Variants in APBB2 observed in about 807,000 individuals in gnomAD.
APBB2 encodes amyloid beta precursor protein binding family B member 2.
APBB2 carries 38 observed loss-of-function variants against 82.5 expected under a neutral mutation model. The observed-to-expected ratio is 0.46, with a 90% CI of 0.36 to 0.60. APBB2 has a LOEUF of 0.60. Among genes scored for constraint, APBB2 ranks in the 20% least tolerant of loss-of-function variants. The pLI, the probability that APBB2 is intolerant of heterozygous loss-of-function variation, is 0.00. For missense variants in APBB2, 772 were observed against 972.3 expected (o/e 0.79, Z 2.74); for synonymous variants, 341 against 368.2 (o/e 0.93, Z 0.85).
chr4:41,147,738 C>T (rs533383849), intron 1 of APBB2, among the ~76,000 whole-genome samples: 1 of 152,136 alleles, frequency 6.6e-6, no homozygotes, highest in South Asian at 2.1e-4. Flanking sequence ...ATCCACATGA[C>T]TCAGACTTTT....
intron 1 of APBB2, among the ~76,000 whole-genome samples, chr4:41,185,423 A>T (rs1185286537): frequency 2.6e-5 from 4 of 152,120 alleles, no homozygotes; most frequent in African/African-American, 9.7e-5. Context: ...TACCATAAAG[A>T]GGGTTTCAGG....
At chr4:40,979,055 G>T (rs555756189) in intron 6 of APBB2, among the ~76,000 whole-genome samples, 1 of 152,190 alleles carries the variant, frequency 6.6e-6, no homozygotes, top group Admixed American at 6.5e-5. Context: ...CCACTGAGAT[G>T]GTTTCTCATC....
intron 6 of APBB2, among the ~76,000 whole-genome samples, chr4:40,949,247 CA>C (rs1789378192): frequency 1.0e-5 from 1 of 96,820 alleles, no homozygotes; most frequent in South Asian, 2.8e-4. Context: ...CCAGTCTGGG[CA>C]ACAGAGTGAG....
At chr4:41,002,217 A>G (rs535644311) in intron 6 of APBB2, among the ~76,000 whole-genome samples, 1 of 152,304 alleles carries the variant, frequency 6.6e-6, no homozygotes, top group South Asian at 2.1e-4. Context: ...TGAGCACAAA[A>G]TTTATGAACC....
intron 12 of APBB2, among the ~76,000 whole-genome samples, chr4:40,883,683 A>G (rs930166490): frequency 2.8e-4 from 42 of 148,970 alleles, no homozygotes; most frequent in Non-Finnish European, 4.3e-4. Context: ...AGTAGAAGAC[A>G]TGGCTAGGAA....
At chr4:41,145,972 T>C (rs1219582550) in intron 1 of APBB2, among the ~76,000 whole-genome samples, 5 of 152,176 alleles carry the variant, frequency 3.3e-5, no homozygotes, top group African/African-American at 7.2e-5. Context: ...AGTGGATTGC[T>C]TGAGCCCAGG....
At chr4:41,207,197 T>A (rs1435731591) in intron 1 of APBB2, among the ~76,000 whole-genome samples, 1 of 33,716 alleles carries the variant, frequency 3.0e-5, no homozygotes, top group Non-Finnish European at 5.1e-5. Context: ...AGACTCCGTC[T>A]CAAAAAAAAA....
intron 12 of APBB2, among the ~76,000 whole-genome samples, chr4:40,848,289 C>T (rs990048851): frequency 2.0e-5 from 3 of 152,228 alleles, no homozygotes; most frequent in Non-Finnish European, 2.9e-5. Context: ...TGCGCACTGT[C>T]GCCAAGCCAC....
intron 10 of APBB2, among the ~76,000 whole-genome samples, chr4:40,904,288 G>A (rs1371720233): frequency 3.3e-5 from 5 of 152,210 alleles, no homozygotes; most frequent in East Asian, 3.9e-4. Context: ...AAAATTAGCC[G>A]GGCGTGGTGG....
chr4:40,851,702 G>C (rs1759415269), intron 12 of APBB2, among the ~76,000 whole-genome samples: 1 of 139,944 alleles, frequency 7.1e-6, no homozygotes, highest in Non-Finnish European at 1.5e-5. Flanking sequence ...GACTGCAGAA[G>C]GAATATTTTC....
At chr4:40,893,819 C>T (rs1163818676) in intron 10 of APBB2, among the ~76,000 whole-genome samples, 1 of 151,814 alleles carries the variant, frequency 6.6e-6, no homozygotes, top group African/African-American at 2.4e-5. Flanking sequence ...ACTAAAAATA[C>T]AAAAATTAGC....
chr4:40,998,962 G>T (rs1252927450), intron 6 of APBB2, among the ~76,000 whole-genome samples: 1 of 152,154 alleles, frequency 6.6e-6, no homozygotes, highest in African/African-American at 2.4e-5. Flanking sequence ...ACCGAGAACG[G>T]TGTGCAGCTT....
chr4:41,146,433 G>T (rs1760771404), intron 1 of APBB2, among the ~76,000 whole-genome samples: 1 of 151,070 alleles, frequency 6.6e-6, no homozygotes, highest in Admixed American at 6.6e-5. Context: ...GGTTGAGGCT[G>T]CAGTGAGCTG....
chr4:40,999,499 C>T (rs1042263565), intron 6 of APBB2, among the ~76,000 whole-genome samples: 1 of 152,170 alleles, frequency 6.6e-6, no homozygotes, highest in Non-Finnish European at 1.5e-5. Context: ...TTATTCTAGG[C>T]ACTAAGGATA....
At chr4:41,155,511 A>G (rs1214967270) in intron 1 of APBB2, among the ~76,000 whole-genome samples, 1 of 152,222 alleles carries the variant, frequency 6.6e-6, no homozygotes, top group Non-Finnish European at 1.5e-5. Flanking sequence ...ACACTTTTTA[A>G]AAGTACACTT....
intron 10 of APBB2, among the ~76,000 whole-genome samples, chr4:40,913,709 G>A (rs1156722223): frequency 6.6e-6 from 1 of 152,170 alleles, no homozygotes; most frequent in Non-Finnish European, 1.5e-5. Context: ...TTCTTATACT[G>A]TAAAGAGGTG....
In APBB2 at chr4:41,130,245, T is replaced by C. The variant is rs569658113; in HGVS notation, c.-261+12742A>G. On this transcript the variant is annotated intron_variant, in intron 2 of 17. Coordinates refer to ENST00000508593, the MANE Select transcript of APBB2 (RefSeq NM_004307.2). Reference sequence around the variant, plus strand: ...GAAAATTTCTAGAATTTCACAGTTATCTAGGAATGAGGAGAAGGGTCTAAG... The same window carrying C: ...GAAAATTTCTAGAATTTCACAGTTACCTAGGAATGAGGAGAAGGGTCTAAG... 4.6e-5 allele frequency among the ~76,000 whole-genome samples: 7 copies of C among 152,316 alleles called. No individual in the cohort carries two copies. In the South Asian group the frequency reaches 1.5e-3, roughly 32 times the overall value.
intron 10 of APBB2, among the ~76,000 whole-genome samples, chr4:40,901,655 G>A (rs1270054962): frequency 3.3e-5 from 5 of 152,172 alleles, no homozygotes; most frequent in Non-Finnish European, 7.4e-5. Context: ...GATTACAGGC[G>A]CCCATCACCA....
chr4:41,158,795 T>C (rs375657132), intron 1 of APBB2, among the ~76,000 whole-genome samples: 7 of 152,300 alleles, frequency 4.6e-5, no homozygotes, highest in South Asian at 2.1e-4. Flanking sequence ...ACCTACTACA[T>C]GCCAGGCCCT....
Sources: gnomAD v4.1 joint callset for allele counts (sites outside exome capture counted in the v4.1 genomes callset) on GRCh38, gnomAD v4.1.1 for gene constraint, MANE v1.5 for transcripts, NCBI Gene and HGNC (gene_info 2026-07-23, HGNC 2026-07-21) for gene names.